GRIK1: variants seen among roughly 807,000 people sequenced by gnomAD.
GRIK1 encodes glutamate receptor ionotropic, kainate 1.
In GRIK1, 69 loss-of-function variants were observed where a neutral mutation model predicts 105.7. The ratio of observed to expected loss-of-function variants is 0.65; its 90% confidence interval spans 0.54 to 0.80. GRIK1 has a LOEUF of 0.80. Among genes scored for constraint, GRIK1 ranks in the 30% least tolerant of loss-of-function variants. The pLI, the probability that GRIK1 is intolerant of heterozygous loss-of-function variation, is 0.00. For missense variants in GRIK1, 1,109 were observed against 1,167.3 expected (o/e 0.95, Z 0.73); for synonymous variants, 438 against 431.3 (o/e 1.02, Z -0.19).
intron 1 of GRIK1, among the ~76,000 whole-genome samples, chr21:29,855,288 T>G (rs1395421537): frequency 6.6e-6 from 1 of 152,154 alleles, no homozygotes; most frequent in African/African-American, 2.4e-5. Context: ...AAGAATAATA[T>G]TGGTTACATA....
intron 4 of GRIK1, among the ~76,000 whole-genome samples, chr21:29,659,799 A>T (rs192606097): frequency 3.3e-5 from 5 of 152,186 alleles, no homozygotes; most frequent in Admixed American, 6.5e-5. Flanking sequence ...CGTCTCTACT[A>T]AAAATACAAA....
chr21:29,791,718 GA>G, intron 1 of GRIK1, among the ~76,000 whole-genome samples: 1 of 152,158 alleles, frequency 6.6e-6, no homozygotes, highest in African/African-American at 2.4e-5. Context: ...AAGCCCTAGA[GA>G]AATGCTGACT....
chr21:29,769,283 T>C (rs914191076), intron 1 of GRIK1, among the ~76,000 whole-genome samples: 3 of 151,604 alleles, frequency 2.0e-5, no homozygotes, highest in African/African-American at 7.3e-5. Flanking sequence ...ACAACAGGAG[T>C]CTTTATAAAA....
chr21:29,816,933 A>T (rs1221985003), intron 1 of GRIK1, among the ~76,000 whole-genome samples: 1 of 152,156 alleles, frequency 6.6e-6, no homozygotes, highest in African/African-American at 2.4e-5. Context: ...GTTAGAAAAT[A>T]TGAAATGTTA....
At chr21:29,799,409 A>C (rs1601726220) in intron 1 of GRIK1, among the ~76,000 whole-genome samples, 1 of 152,194 alleles carries the variant, frequency 6.6e-6, no homozygotes, top group Admixed American at 6.5e-5. Context: ...ACATTAGGTG[A>C]CCTGTCCAGG....
At chr21:29,781,942 T>C (rs2066123054) in intron 1 of GRIK1, among the ~76,000 whole-genome samples, 1 of 150,556 alleles carries the variant, frequency 6.6e-6, no homozygotes, top group Non-Finnish European at 1.5e-5. Flanking sequence ...AGTGCTGGGA[T>C]TACAGGCGTG....
intron 1 of GRIK1, among the ~76,000 whole-genome samples, chr21:29,771,941 G>C (rs1275627614): frequency 6.6e-6 from 1 of 152,190 alleles, no homozygotes; most frequent in East Asian, 1.9e-4. Context: ...CACTCAGCAA[G>C]CAGCTCTGGG....
intron 11 of GRIK1, among the ~76,000 whole-genome samples, chr21:29,587,990 T>TTTTTTTTTTTTTTTTTTTTTTTG (rs1491321446): frequency 7.6e-6 from 1 of 131,220 alleles, no homozygotes; most frequent in African/African-American, 3.2e-5. Context: ...TTTTTTTTTT[T>TTTTTTTTTTTTTTTTTTTTTTTG]GTGAGGCGGA....
At chr21:29,718,284 CA>C (rs1433938862) in intron 1 of GRIK1, among the ~76,000 whole-genome samples, 1 of 152,178 alleles carries the variant, frequency 6.6e-6, no homozygotes, top group Non-Finnish European at 1.5e-5. Flanking sequence ...TTCCTTCTGT[CA>C]CATAGTTGGC....
At chr21:29,792,848 A>G (rs190564820) in intron 1 of GRIK1, among the ~76,000 whole-genome samples, 1 of 152,352 alleles carries the variant, frequency 6.6e-6, no homozygotes, top group Admixed American at 6.5e-5. Context: ...ATGTAAATGT[A>G]TAGCACGAAG....
chr21:29,925,392 C>T (rs1708346167), intron 1 of GRIK1, among the ~76,000 whole-genome samples: 1 of 152,140 alleles, frequency 6.6e-6, no homozygotes, highest in Non-Finnish European at 1.5e-5. Context: ...TCACCTTCAC[C>T]TCCATCCTCA....
chr21:29,715,852 CTTA>C (rs771146685), intron 1 of GRIK1, among the ~76,000 whole-genome samples: 4 of 151,886 alleles, frequency 2.6e-5, no homozygotes, highest in Non-Finnish European at 4.4e-5. Flanking sequence ...GTAGTATTAT[CTTA>C]TTATAATCCT....
At chr21:29,868,558 T>C (rs550994893) in intron 1 of GRIK1, among the ~76,000 whole-genome samples, 1 of 152,230 alleles carries the variant, frequency 6.6e-6, no homozygotes, top group East Asian at 1.9e-4. Context: ...GATGATACAA[T>C]AATGAAGCTG....
chr21:29,564,037 T>G (rs1023470376), intron 14 of GRIK1, among the ~76,000 whole-genome samples: 5 of 152,230 alleles, frequency 3.3e-5, no homozygotes, highest in African/African-American at 1.2e-4. Context: ...ATTCATGGAC[T>G]CATTATTCCC....
intron 1 of GRIK1, among the ~76,000 whole-genome samples, chr21:29,917,748 T>G (rs1009848605): frequency 2.6e-5 from 4 of 152,196 alleles, no homozygotes; most frequent in Admixed American, 6.6e-5. Flanking sequence ...TTTCACTGTA[T>G]AGTTGAAATG....
rs77937777 is a variant in GRIK1 at position 29,825,002 on chromosome 21, A to G, written c.118+114381T>C. Among the ~76,000 whole-genome samples the G allele has an allele frequency of 5.8e-4, 88 of 152,196 alleles. No homozygotes were observed. The East Asian group carries it at 0.016, about 28-fold the overall frequency. On this transcript the variant is annotated intron_variant, in intron 1 of 17. Coordinates refer to ENST00000327783, the MANE Select transcript of GRIK1 (RefSeq NM_001330994.2). ...ATTTTAAAGGCAACTAGAAATTAAT[A>G]TATCCAATTATAGGAAAATGTTTAA...
chr21:29,642,936 T>C lies in GRIK1; in HGVS notation c.988A>G (p.Met330Val), dbSNP rs756472503. The change falls in exon 7 of 18, where the codon ATG (methionine) becomes GTG (valine). Residue 330 changes from methionine (M) to valine (V), a missense_variant. Around this residue, in one of 5 missense-constraint regions of GRIK1, gnomAD observed 612 missense variants for 586.0 expected, o/e 1.04. Coordinates refer to ENST00000327783, the MANE Select transcript of GRIK1 (RefSeq NM_001330994.2). ...GCCCGGTGCGAGGCAATGGCCACCA[T>C]GTACACAGCATCGTACATCAGAGCC... is the stretch of plus-strand genomic sequence containing the variant. Reference protein sequence around the residue: ...EAALMYDAVYMVAIASHRASQ... With the variant: ...EAALMYDAVYVVAIASHRASQ... 2.4e-5 allele frequency: 39 copies of C among 1,613,984 alleles called. No homozygotes were observed. The Admixed American group carries it at 4.3e-4, about 18-fold the overall frequency.
intron 1 of GRIK1, among the ~76,000 whole-genome samples, chr21:29,752,617 G>A (rs1242975107): frequency 1.3e-5 from 2 of 152,106 alleles, no homozygotes; most frequent in East Asian, 3.8e-4. Context: ...CTGGAGGCCA[G>A]GAGTTTGAGA....
intron 1 of GRIK1, among the ~76,000 whole-genome samples, chr21:29,784,032 A>G (rs1437817782): frequency 6.6e-6 from 1 of 152,114 alleles, no homozygotes; most frequent in Non-Finnish European, 1.5e-5. Flanking sequence ...TCCCGGGTTC[A>G]CGCCATTCTC....
Sources: allele counts gnomAD v4.1 joint callset (sites outside exome capture counted in the v4.1 genomes callset), GRCh38; gene constraint gnomAD v4.1.1; regional missense constraint gnomAD v4.1.1; transcripts MANE v1.5; gene names NCBI Gene and HGNC (gene_info 2026-07-23, HGNC 2026-07-21).